CA5A: variants seen among roughly 807,000 people sequenced by gnomAD.
CA5A encodes the protein carbonic anhydrase 5A, mitochondrial.
In CA5A, 28 loss-of-function variants were observed where a neutral mutation model predicts 37.1. The ratio of observed to expected loss-of-function variants is 0.75; its 90% CI spans 0.56 to 1.03. The LOEUF (loss-of-function observed/expected upper bound fraction) is 1.03. Ranked by LOEUF, CA5A falls within the 50% of genes least tolerant of loss-of-function variation. CA5A has a pLI of 0.00. For synonymous variants in CA5A, 171 were observed against 158.4 expected (o/e 1.08, Z -0.60); for missense variants, 444 against 399.9 (o/e 1.11, Z -0.94).
chr16:87,919,274 G>A (rs778701742), intron 2 of CA5A, among the ~76,000 whole-genome samples: 5 of 152,208 alleles, frequency 3.3e-5, no homozygotes, highest in Admixed American at 6.5e-5. Context: ...TGAGGAGGGC[G>A]CCCCATCCTT....
rs531567545 is a variant in CA5A, at chr16:87,929,668, C to G, written c.143-2723G>C. Among the ~76,000 whole-genome samples, 321 of 151,544 alleles carry G rather than the reference C, an allele frequency of 2.1e-3. 1 individual carries two copies. Among genetic ancestry groups the G allele is most frequent in the South Asian group, 4.0e-3 (19 of 4,810 alleles). ...TGGGCGGATCACGAGGTCAGGAGATCGAGACCATCCTGGCTAACACCGTGA... is the reference window on the plus strand; with the variant it reads ...TGGGCGGATCACGAGGTCAGGAGATGGAGACCATCCTGGCTAACACCGTGA... On this transcript the variant is annotated intron_variant, in intron 1 of 6. Transcript: ENST00000649794.
chr16:87,896,959 T>G (rs2055811250), intron 5 of CA5A, among the ~76,000 whole-genome samples: 2 of 152,234 alleles, frequency 1.3e-5, no homozygotes, highest in African/African-American at 4.8e-5. Flanking sequence ...TTCTTTCTCT[T>G]AAACAGGACC....
chr16:87,936,203 C>G (rs568920284), intron 1 of CA5A, 106 bp downstream of exon 1: 5 of 603,684 alleles, frequency 8.3e-6, no homozygotes, highest in Non-Finnish European at 1.2e-5. Context: ...GAGTGGAAAT[C>G]TGAACCCATC....
intron 1 of CA5A, 72 bp downstream of exon 1, chr16:87,936,237 C>G: frequency 9.5e-7 from 1 of 1,054,662 alleles, no homozygotes; most frequent in Non-Finnish European, 1.5e-6. Context: ...TCTCTCCTCT[C>G]TCCTCTCGAA....
intron 1 of CA5A, 143 bp from the exon 2 acceptor site, chr16:87,927,088 GC>G (rs2056324296): frequency 6.4e-6 from 4 of 628,840 alleles, no homozygotes; most frequent in Admixed American, 2.7e-5. Context: ...GCGCGTGGGG[GC>G]CCCTGCGCAG....
chr16:87,916,802 G>C (rs1051943285), intron 2 of CA5A, among the ~76,000 whole-genome samples: 1 of 152,074 alleles, frequency 6.6e-6, no homozygotes. Flanking sequence ...GAAGCTGGAC[G>C]ATCAGAAATG....
intron 1 of CA5A, among the ~76,000 whole-genome samples, chr16:87,927,435 G>A (rs2056328043): frequency 6.6e-6 from 1 of 152,184 alleles, no homozygotes; most frequent in Non-Finnish European, 1.5e-5. Flanking sequence ...AACTCTCCAA[G>A]CCCTCTGGCA....
chr16:87,882,473 C>G (rs548252554), intron 4 of CA5A: 2 of 152,208 alleles, frequency 1.3e-5, no homozygotes, highest in South Asian at 2.1e-4. Context: ...AAACCAGGGA[C>G]GATTTTGTGG....
chr16:87,931,364 G>A (rs140982829), intron 1 of CA5A, among the ~76,000 whole-genome samples: 14,389 of 151,992 alleles, frequency 0.095, 968 homozygotes, highest in African/African-American at 0.17. Flanking sequence ...CACCTGCCTC[G>A]GCCTCCCAAA....
At chr16:87,904,740 A>G (rs760629845) in intron 3 of CA5A, 46 bp downstream of exon 3, 2 of 1,157,610 alleles carry the variant, frequency 1.7e-6, no homozygotes, top group Non-Finnish European at 2.6e-6. Context: ...AGAGCCGGAG[A>G]CATGGAAAGT....
chr16:87,916,810 A>G (rs1248215056), intron 2 of CA5A, among the ~76,000 whole-genome samples: 1 of 152,068 alleles, frequency 6.6e-6, no homozygotes, highest in Non-Finnish European at 1.5e-5. Context: ...ACGATCAGAA[A>G]TGGGCTTTTG....
At chr16:87,917,563 A>T (rs1018945797) in intron 2 of CA5A, among the ~76,000 whole-genome samples, 1 of 152,258 alleles carries the variant, frequency 6.6e-6, no homozygotes, top group African/African-American at 2.4e-5. Flanking sequence ...GGAGCTACAT[A>T]CAGAATGGAG....
At chr16:87,935,871 A>C (rs1161403054) in intron 1 of CA5A, among the ~76,000 whole-genome samples, 1 of 151,372 alleles carries the variant, frequency 6.6e-6, no homozygotes, top group Non-Finnish European at 1.5e-5. Context: ...GCAAAACTTC[A>C]TCAAAAAAAG....
chr16:87,916,719 C>G (rs1447355134), intron 2 of CA5A, among the ~76,000 whole-genome samples: 2 of 152,206 alleles, frequency 1.3e-5, no homozygotes, highest in African/African-American at 4.8e-5. Flanking sequence ...GTTTCACTGT[C>G]TTGATTGATC....
rs994584200 is a variant in CA5A at position 87,911,136 on chromosome 16, C to T, written c.341-6232G>A. ...AAAAAAAAAAGGCAAGCCCAATTCA[C>T]GAAAAGGGGTCTTTAAGCTGCCAGC... On this transcript the variant is annotated intron_variant, in intron 2 of 6. Coordinates refer to ENST00000649794, the MANE Select transcript of CA5A (RefSeq NM_001739.2). This position sits in a 1 kb window ranked among gnomAD's most constrained non-coding sequence, Gnocchi z 4.6. Among the ~76,000 whole-genome samples, 1 of 149,536 alleles carries T rather than the reference C, an allele frequency of 6.7e-6. No individual in the cohort carries two copies. Among genetic ancestry groups the T allele is most frequent in the African/African-American group, 2.5e-5 (1 of 40,422 alleles).
intron 2 of CA5A, among the ~76,000 whole-genome samples, chr16:87,909,747 T>C (rs1021958656): frequency 5.9e-5 from 9 of 152,180 alleles, no homozygotes; most frequent in African/African-American, 1.9e-4. Flanking sequence ...CCACTGTAAA[T>C]TCCGAAATTA....
At position 87,888,084 on chromosome 16, in the gene CA5A, C is replaced by T. The variant is rs2055663279; in HGVS notation, c.*45G>A. On this transcript the variant is annotated 3_prime_UTR_variant, in exon 7 of 7. Transcript: ENST00000649794. ...TTGTGAAACTTGGGAAACAACGCTT[C>T]CTTCCTTCAAAGTCAGTTCTGCTAT... 1.3e-6 allele frequency: 2 copies of T among 1,538,370 alleles called. No individual in the cohort carries two copies. Among genetic ancestry groups the T allele is most frequent in the Admixed American group, 4.2e-5 (2 of 47,792 alleles).
chr16:87,892,992 G>GTCCA, intron 5 of CA5A: 1 of 1,217,890 alleles, frequency 8.2e-7, no homozygotes, highest in South Asian at 1.3e-5. Flanking sequence ...CAAGAAGGAT[G>GTCCA]TCCACATGCC....
intron 4 of CA5A, chr16:87,882,583 C>T (rs1230425324): frequency 1.3e-5 from 2 of 152,232 alleles, no homozygotes; most frequent in African/African-American, 2.4e-5. Flanking sequence ...CCCAGACCAA[C>T]GGCGCTGCGA....
Sources: gnomAD v4.1 joint callset for allele counts (sites outside exome capture counted in the v4.1 genomes callset) on GRCh38, gnomAD v4.1.1 for gene constraint, Gnocchi (gnomAD v3.1) non-coding constraint, MANE v1.5 for transcripts, NCBI Gene and HGNC (gene_info 2026-07-23, HGNC 2026-07-21) for gene names.